Variants in PZP observed in about 807,000 individuals in gnomAD.
PZP encodes the protein pregnancy zone protein.
A neutral mutation model predicts 179.8 loss-of-function variants in PZP; 150 were observed. That is an observed-to-expected ratio of 0.83 (90% confidence interval 0.73 to 0.96). The LOEUF (loss-of-function observed/expected upper bound fraction) is 0.96. Ranked by LOEUF, PZP falls within the 40% of genes least tolerant of loss-of-function variation. PZP has a pLI of 0.00. For synonymous variants in PZP, 624 were observed against 652.3 expected, an observed-to-expected ratio of 0.96 and a Z score of 0.66; for missense variants, 1,689 against 1,764.0, an observed-to-expected ratio of 0.96 and a Z score of 0.76.
chr12:9,155,773 T>C (rs1940706442), intron 28 of PZP: 1 of 152,796 alleles, frequency 6.5e-6, no homozygotes, highest in African/African-American at 2.4e-5. Context: ...TAAATGAAGA[T>C]CTCAAGATGA....
At chr12:9,195,654 A>G (rs747986447) in intron 10 of PZP, among the ~76,000 whole-genome samples, 5 of 114,684 alleles carry the variant, frequency 4.4e-5, no homozygotes, top group African/African-American at 1.4e-4. Context: ...GAGTCTTACT[A>G]TGTTACTAGG....
At chr12:9,155,945 A>C (rs1411624362) in intron 28 of PZP, 5 of 162,726 alleles carry the variant, frequency 3.1e-5, no homozygotes, top group African/African-American at 1.2e-4. Context: ...ATGGTAGTCC[A>C]GCAGAGGCAG....
Position 9,192,597 on chromosome 12 carries a change from C to T in PZP, c.1397G>A (p.Cys466Tyr). ...HLEPVAGTLPCGHTETITAHY... is the reference protein window; with the variant it reads ...HLEPVAGTLPYGHTETITAHY... ...TGCCGTGATAGTCTCCGTGTGGCCA[C>T]AGGGCAGGGTACCAGCCACAGGCTC... is the stretch of plus-strand genomic sequence containing the variant. Residue 466 changes from cysteine (C) to tyrosine (Y), a missense_variant, in exon 12 of 36, where the codon TGT (cysteine) becomes TAT (tyrosine). Physicochemically the swap from Cys to Tyr is radical, Grantham distance 194 (BLOSUM62 -2). Transcript: ENST00000261336. 6.2e-7 allele frequency: 1 copy of T among 1,614,210 alleles called. No homozygotes were observed. The highest frequency in any genetic ancestry group is 8.5e-7 in the Non-Finnish European group (1 of 1,180,038).
At chr12:9,203,181 C>T (rs1226871045) in intron 2 of PZP, among the ~76,000 whole-genome samples, 1 of 152,090 alleles carries the variant, frequency 6.6e-6, no homozygotes, top group Non-Finnish European at 1.5e-5. Context: ...AACTAGAAAA[C>T]TCCTCTAAGT....
At chr12:9,187,722 A>C (rs918619426) in intron 13 of PZP, among the ~76,000 whole-genome samples, 1 of 152,250 alleles carries the variant, frequency 6.6e-6, no homozygotes, top group African/African-American at 2.4e-5. Context: ...ATCCACATCG[A>C]AAAGTTAGAA....
At chr12:9,143,130 G>A in the PZP span, among the ~76,000 whole-genome samples, 123,827 of 152,162 alleles carry the variant, frequency 0.81, 50,746 homozygotes, top group African/African-American at 0.84. Flanking sequence ...TTAGAATTAT[G>A]TAAATAATAT....
Position 9,170,282 on chromosome 12 carries a change from T to TG in PZP, c.1840-692dup, listed in dbSNP as rs1047505557. On this transcript the variant is annotated intron_variant, in intron 15 of 35. Transcript: ENST00000261336. This position sits in a 1 kb window ranked among gnomAD's most constrained non-coding sequence, Gnocchi z 4.6. ...TTCTCCCAAGGATCTCTGCAACCCA[T>TG]GGATCAGGAGATACCCTTGTGAGCC... Among the ~76,000 whole-genome samples, 7 of 152,260 alleles carry TG rather than the reference T, an allele frequency of 4.6e-5. No individual in the cohort carries two copies. Among genetic ancestry groups the TG allele is most frequent in the African/African-American group, 1.7e-4 (7 of 41,542 alleles).
At chr12:9,165,420 C>T in intron 18 of PZP, 53 bp from the exon 19 acceptor site, 5 of 1,595,620 alleles carry the variant, frequency 3.1e-6, no homozygotes, top group Non-Finnish European at 4.3e-6. Flanking sequence ...GCCACCTTTT[C>T]TCAAGTGAGA....
At chr12:9,197,465 TATA>T (rs1388181206) in intron 7 of PZP, among the ~76,000 whole-genome samples, 1 of 130,846 alleles carries the variant, frequency 7.6e-6, no homozygotes, top group Non-Finnish European at 1.5e-5. Context: ...TATATAATAA[TATA>T]ATATATAATA....
intron 25 of PZP, 136 bp downstream of exon 25, chr12:9,159,802 A>G (rs1180715303): frequency 1.8e-5 from 14 of 769,278 alleles, no homozygotes; most frequent in African/African-American, 3.6e-5. Context: ...TAGCTATAAG[A>G]AATAAATTTC....
chr12:9,139,949 G>T, the PZP span, among the ~76,000 whole-genome samples: 2 of 152,202 alleles, frequency 1.3e-5, no homozygotes, highest in Non-Finnish European at 2.9e-5. Flanking sequence ...GTGTGGAGGA[G>T]AAGTTTATTG....
At position 9,200,882 on chromosome 12, in the gene PZP, T is replaced by C; in HGVS notation, c.670+10A>G. ...AATGTTATGCCTTTTTCATCTTCCA[T>C]AATCCATACCAAATTCCTCCACGGT... is the stretch of plus-strand genomic sequence containing the variant. On this transcript the variant is annotated intron_variant, in intron 6 of 35. Transcript: ENST00000261336. 3 of 1,609,464 alleles carry C rather than the reference T, an allele frequency of 1.9e-6. No homozygotes were observed. Among genetic ancestry groups the C allele is most frequent in the Non-Finnish European group, 1.7e-6 (2 of 1,178,310 alleles).
At position 9,158,460 on chromosome 12, in the gene PZP, C is replaced by T. The variant is rs753574374; in HGVS notation, c.3254G>A (p.Cys1085Tyr). Residue 1085 changes from cysteine (C) to tyrosine (Y), a missense_variant, in exon 26 of 36, where the codon TGT (cysteine) becomes TAT (tyrosine). Cys to Tyr is a radical substitution (Grantham distance 194, BLOSUM62 -2). Around this residue, in one of 3 missense-constraint regions of PZP, gnomAD observed 746 missense variants for 749.2 expected, o/e 1.00. Coordinates refer to ENST00000261336, the MANE Select transcript of PZP (RefSeq NM_002864.3). ...WLSQMQKDNG[C>Y]FRSSGSLLNN... is the part of the protein sequence containing the mutation. ...GAGCAGTGACCCAGAGCTCCTGAAACAGCCATTGTCCTTCTGCATCTGGGA... is the reference window on the plus strand; with the variant it reads ...GAGCAGTGACCCAGAGCTCCTGAAATAGCCATTGTCCTTCTGCATCTGGGA... 27 of 1,614,046 alleles carry T rather than the reference C, an allele frequency of 1.7e-5. No homozygotes were observed. In the East Asian group the frequency reaches 5.3e-4, roughly 32 times the overall value.
In PZP at chr12:9,149,641, C is replaced by A. The variant is rs116427029; in HGVS notation, c.4385-39G>T. 564 of 1,599,974 alleles carry A rather than the reference C, an allele frequency of 3.5e-4. 3 individuals are homozygous for A. The African/African-American group carries it at 6.9e-3, about 20-fold the overall frequency. On this transcript the variant is annotated intron_variant, in intron 34 of 35. Transcript: ENST00000261336. ...TTGGGTGAAGGAAGAAACGAAAGAT[C>A]TATGAACTAGGGACCATGCTAAATC...
At chr12:9,201,655 T>C (rs1170025926) in intron 4 of PZP, among the ~76,000 whole-genome samples, 1 of 152,136 alleles carries the variant, frequency 6.6e-6, no homozygotes, top group African/African-American at 2.4e-5. Flanking sequence ...ATAATATGAC[T>C]ATACTGCTTA....
At position 9,150,565 on chromosome 12, in the gene PZP, G is replaced by T. The variant is rs1020068474; in HGVS notation, c.4384+79C>A. 2.9e-5 allele frequency: 27 copies of T among 942,810 alleles called. No individual in the cohort carries two copies. In the African/African-American group the frequency reaches 4.1e-4, roughly 14 times the overall value. The allele number at this position is 942,810 out of a possible 1,614,324, so 58.4% of individuals were successfully genotyped here. A position where few individuals can be genotyped will look rare whatever the true frequency, so the allele number is the denominator to read the frequency against. On this transcript the variant is annotated intron_variant, in intron 34 of 35. Coordinates refer to ENST00000261336, the MANE Select transcript of PZP (RefSeq NM_002864.3). Reference sequence around the variant, plus strand: ...CAAAAGATTAATGTTGACTAAGTGGGCTAAGAAGAGGATCAACTGTCACAA... The same window carrying T: ...CAAAAGATTAATGTTGACTAAGTGGTCTAAGAAGAGGATCAACTGTCACAA...
intron 7 of PZP, among the ~76,000 whole-genome samples, chr12:9,197,562 T>A (rs1364773900): frequency 2.6e-5 from 3 of 114,338 alleles, no homozygotes; most frequent in African/African-American, 1.0e-4. Context: ...TAATATATAA[T>A]GTAATATATA....
chr12:9,163,793 A>T lies in PZP; in HGVS notation c.2615-4T>A. 6.2e-7 allele frequency: 1 copy of T among 1,610,298 alleles called. No homozygotes were observed. The highest frequency in any genetic ancestry group is 2.2e-5 in the East Asian group (1 of 44,834). On this transcript the variant is annotated splice_region_variant and splice_polypyrimidine_tract_variant and intron_variant, in intron 20 of 35. Transcript: ENST00000261336. The stretch of plus-strand genomic sequence containing the variant: ...CTCACTGAGAAGTTCACATTCCCTA[A>T]AACAAGGAATATTGAAAACATGAGT...
chr12:9,182,621 A>G (rs1942842722), intron 13 of PZP, among the ~76,000 whole-genome samples: 1 of 152,158 alleles, frequency 6.6e-6, no homozygotes, highest in South Asian at 2.1e-4. Flanking sequence ...GCAGTGTTAA[A>G]CTCTTATAAG....
Sources: allele counts gnomAD v4.1 joint callset (sites outside exome capture counted in the v4.1 genomes callset), GRCh38; gene constraint gnomAD v4.1.1; regional missense constraint gnomAD v4.1.1; non-coding constraint Gnocchi (gnomAD v3.1); transcripts MANE v1.5; gene names NCBI Gene and HGNC (gene_info 2026-07-23, HGNC 2026-07-21).